Variants in SAMD5 observed in about 807,000 individuals in gnomAD.
SAMD5 encodes sterile alpha motif domain containing 5.
SAMD5 carries 13 observed loss-of-function variants against 11.3 expected under a neutral mutation model. The observed-to-expected ratio is 1.15, with a 90% CI of 0.75 to 1.83. The LOEUF (loss-of-function observed/expected upper bound fraction) is 1.83, where lower values mean the gene tolerates loss of function less well. Among genes scored for constraint, SAMD5 ranks in the 40% most tolerant of loss-of-function variants. The pLI, the probability that SAMD5 is intolerant of heterozygous loss-of-function variation, is 0.00. For missense variants in SAMD5, 255 were observed against 239.1 expected (o/e 1.07, Z -0.44); for synonymous variants, 129 against 111.3 (o/e 1.16, Z -1.00).
At chr6:147,766,988 C>G in the SAMD5 span, among the ~76,000 whole-genome samples, 1 of 134,760 alleles carries the variant, frequency 7.4e-6, no homozygotes, top group African/African-American at 2.5e-5. Context: ...CAAGACAAAA[C>G]AAAATATACA....
intron 1 of SAMD5, among the ~76,000 whole-genome samples, chr6:147,581,028 T>C: frequency 6.6e-6 from 1 of 152,198 alleles, no homozygotes; most frequent in East Asian, 1.9e-4. Context: ...TGTCTCTTTT[T>C]CTCTTTTCTC....
the SAMD5 span, among the ~76,000 whole-genome samples, chr6:147,816,684 T>C: frequency 6.6e-6 from 1 of 152,170 alleles, no homozygotes; most frequent in Non-Finnish European, 1.5e-5. Context: ...TCTTTTTTCC[T>C]GTAATAAATT....
chr6:147,932,448 G>A, the SAMD5 span, among the ~76,000 whole-genome samples: 3 of 152,210 alleles, frequency 2.0e-5, no homozygotes, highest in East Asian at 5.8e-4. Flanking sequence ...AGTCATCAAA[G>A]GGTATTCTAC....
chr6:147,606,251 T>G (rs1411153247), intron 1 of SAMD5, among the ~76,000 whole-genome samples: 1 of 152,158 alleles, frequency 6.6e-6, no homozygotes, highest in Non-Finnish European at 1.5e-5. Context: ...TTTGGTGGCC[T>G]TCAGTGACTT....
At chr6:147,531,373 G>T (rs1157135098) in intron 1 of SAMD5, among the ~76,000 whole-genome samples, 1 of 152,126 alleles carries the variant, frequency 6.6e-6, no homozygotes, top group Non-Finnish European at 1.5e-5. Context: ...TCAAAATCCT[G>T]CCCAAAATTG....
At chr6:147,541,107 G>A (rs765815924) in intron 1 of SAMD5, among the ~76,000 whole-genome samples, 3 of 151,736 alleles carry the variant, frequency 2.0e-5, no homozygotes, top group Admixed American at 6.6e-5. Flanking sequence ...CCACCACCAC[G>A]CCTGGATAAT....
At chr6:147,886,356 C>A in the SAMD5 span, among the ~76,000 whole-genome samples, 1 of 152,112 alleles carries the variant, frequency 6.6e-6, no homozygotes, top group African/African-American at 2.4e-5. Context: ...ACAAAGAAAA[C>A]TTGATAAAGG....
chr6:147,629,988 T>C (rs923681277), intron 1 of SAMD5, among the ~76,000 whole-genome samples: 3 of 150,762 alleles, frequency 2.0e-5, no homozygotes, highest in African/African-American at 7.3e-5. Context: ...TCGCTTTTGT[T>C]GCCCAGGCTG....
At chr6:147,582,749 A>G (rs1789317541) in intron 1 of SAMD5, among the ~76,000 whole-genome samples, 1 of 152,224 alleles carries the variant, frequency 6.6e-6, no homozygotes, top group Non-Finnish European at 1.5e-5. Flanking sequence ...CATGATTCTA[A>G]TTTTGAAAAC....
intron 1 of SAMD5, among the ~76,000 whole-genome samples, chr6:147,624,801 C>T (rs1790026406): frequency 1.3e-5 from 2 of 151,820 alleles, no homozygotes; most frequent in East Asian, 1.9e-4. Context: ...GGTGTACCAA[C>T]ATCTCACAAA....
the SAMD5 span, among the ~76,000 whole-genome samples, chr6:147,869,114 C>T: frequency 6.6e-6 from 1 of 152,120 alleles, no homozygotes; most frequent in Non-Finnish European, 1.5e-5. Flanking sequence ...CCTAGAAATT[C>T]CTCTGAGAAA....
At chr6:147,744,876 C>G in the SAMD5 span, among the ~76,000 whole-genome samples, 1 of 111,650 alleles carries the variant, frequency 9.0e-6, no homozygotes, top group Non-Finnish European at 1.8e-5. Context: ...CCAGCCTGGG[C>G]AACAGAGTAA....
chr6:147,620,054 G>C (rs1221261549), intron 1 of SAMD5, among the ~76,000 whole-genome samples: 1 of 152,166 alleles, frequency 6.6e-6, no homozygotes, highest in Non-Finnish European at 1.5e-5. Context: ...GAATGTTGTT[G>C]TTTGGTCCCC....
chr6:147,622,426 G>A (rs780397465), intron 1 of SAMD5, among the ~76,000 whole-genome samples: 2 of 152,114 alleles, frequency 1.3e-5, no homozygotes, highest in African/African-American at 2.4e-5. Flanking sequence ...TGAAACCCAC[G>A]GATATGGAGG....
chr6:147,591,385 G>A (rs1337288011), intron 1 of SAMD5, among the ~76,000 whole-genome samples: 1 of 152,158 alleles, frequency 6.6e-6, no homozygotes, highest in Non-Finnish European at 1.5e-5. Context: ...CCCTGCACCT[G>A]CTGGCGCTCA....
At chr6:147,563,478 C>T (rs904114424) in intron 1 of SAMD5, among the ~76,000 whole-genome samples, 1 of 152,228 alleles carries the variant, frequency 6.6e-6, no homozygotes, top group Non-Finnish European at 1.5e-5. Context: ...GCGGTTGAAT[C>T]TAAGCAGCAC....
intron 1 of SAMD5, among the ~76,000 whole-genome samples, chr6:147,613,778 G>A (rs966187941): frequency 2.0e-5 from 3 of 151,904 alleles, no homozygotes; most frequent in African/African-American, 7.3e-5. Flanking sequence ...AGGAAAAGAG[G>A]TGGCAGGAGA....
chr6:147,581,388 C>G (rs112378314), intron 1 of SAMD5, among the ~76,000 whole-genome samples: 13 of 152,230 alleles, frequency 8.5e-5, no homozygotes, highest in African/African-American at 2.4e-4. Context: ...AATGTTGGGC[C>G]AGGGTCATTG....
intron 1 of SAMD5, among the ~76,000 whole-genome samples, chr6:147,677,120 G>A (rs1352422964): frequency 6.6e-6 from 1 of 152,162 alleles, no homozygotes; most frequent in Non-Finnish European, 1.5e-5. Context: ...TAGGAGTGGA[G>A]GGTGACTGAG....
Sources: allele counts gnomAD v4.1 joint callset (sites outside exome capture counted in the v4.1 genomes callset), GRCh38; gene constraint gnomAD v4.1.1; transcripts MANE v1.5; gene names NCBI Gene and HGNC (gene_info 2026-07-23, HGNC 2026-07-21).